Variants in ARHGAP31 observed in about 807,000 individuals in gnomAD.
ARHGAP31 encodes Rho GTPase activating protein 31.
A neutral mutation model predicts 113.9 loss-of-function variants in ARHGAP31; 34 were observed. The ratio of observed to expected loss-of-function variants is 0.30; its 90% CI spans 0.23 to 0.40. The LOEUF (loss-of-function observed/expected upper bound fraction) is 0.40, where lower values mean the gene tolerates loss of function less well. Among genes scored for constraint, ARHGAP31 ranks in the 10% least tolerant of loss-of-function variants. ARHGAP31 has a pLI of 1.00. For missense variants in ARHGAP31, 1,548 were observed against 1,767.1 expected, an observed-to-expected ratio of 0.88 and a Z score of 2.22; for synonymous variants, 650 against 684.8, an observed-to-expected ratio of 0.95 and a Z score of 0.79.
intron 1 of ARHGAP31, among the ~76,000 whole-genome samples, chr3:119,320,733 T>G (rs906762416): frequency 8.5e-5 from 13 of 152,204 alleles, no homozygotes; most frequent in Non-Finnish European, 1.8e-4. Flanking sequence ...CTCAGATGTT[T>G]TCTCTCCTCT....
Position 119,388,136 on chromosome 3 carries a change from G to A in ARHGAP31, c.683-2649G>A, listed in dbSNP as rs137896916. 9.1e-3 allele frequency among the ~76,000 whole-genome samples: 1,389 copies of A among 152,184 alleles called. 23 individuals are homozygous for A. The highest frequency in any genetic ancestry group is 0.031 in the African/African-American group (1,275 of 41,482). On this transcript the variant is annotated intron_variant, in intron 6 of 11. Coordinates refer to ENST00000264245, the MANE Select transcript of ARHGAP31 (RefSeq NM_020754.4). ...AAAGTGGGGTGCCCCACTCTGGTGG[G>A]TACCAAAGACCAAAGTAATGAGTTA...
chr3:119,379,775 T>A (rs567298836), intron 3 of ARHGAP31, among the ~76,000 whole-genome samples: 45 of 152,298 alleles, frequency 3.0e-4, no homozygotes, highest in African/African-American at 1.0e-3. Flanking sequence ...AAAAAACTCA[T>A]GGAGCTATAG....
chr3:119,297,624 AGGACAAAGCGG>A (rs932784021), intron 1 of ARHGAP31, among the ~76,000 whole-genome samples: 4 of 152,244 alleles, frequency 2.6e-5, no homozygotes, highest in African/African-American at 9.6e-5. Flanking sequence ...GTTGGAGTGG[AGGACAAAGCGG>A]GGTGATGATG....
rs1385144570 is a variant in ARHGAP31, at chr3:119,309,621, A to G, written c.100+14617A>G. On this transcript the variant is annotated intron_variant, in intron 1 of 11. Coordinates refer to ENST00000264245, the MANE Select transcript of ARHGAP31 (RefSeq NM_020754.4). ...AAAAAAATACAAATATTAGCCAGGC[A>G]TGGTGGCGTGGGGCTGTGGTCCCAG... Among the ~76,000 whole-genome samples, 3 of 152,018 alleles carry G rather than the reference A, an allele frequency of 2.0e-5. No individual in the cohort carries two copies. The East Asian group carries it at 5.8e-4, about 29-fold the overall frequency.
At chr3:119,368,983 G>C (rs377687945) in intron 3 of ARHGAP31, among the ~76,000 whole-genome samples, 1 of 152,140 alleles carries the variant, frequency 6.6e-6, no homozygotes, top group South Asian at 2.1e-4. Context: ...CAAATGTCAA[G>C]AGGTGTCAGA....
At position 119,399,212 on chromosome 3, in the gene ARHGAP31, T is replaced by A; in HGVS notation, c.1020T>A (p.Thr340=). 6.2e-7 allele frequency: 1 copy of A among 1,613,686 alleles called. No homozygotes were observed. The highest frequency in any genetic ancestry group is 1.3e-5 in the African/African-American group (1 of 75,060). Residue 340 remains threonine (T), a synonymous_variant, in exon 9 of 12, where the codon ACT becomes ACA. Coordinates refer to ENST00000264245, the MANE Select transcript of ARHGAP31 (RefSeq NM_020754.4). Reference sequence around the variant, plus strand: ...TTTTGTCTTTAGTGGAAAAGGCTACTATCCGACCAGCTAAAAGCATGGACT... The same window carrying A: ...TTTTGTCTTTAGTGGAAAAGGCTACAATCCGACCAGCTAAAAGCATGGACT... ...RGQRLSVEKA[T]IRPAKSMDSL...
chr3:119,386,248 C>T (rs980793247), intron 6 of ARHGAP31, among the ~76,000 whole-genome samples: 7 of 151,712 alleles, frequency 4.6e-5, no homozygotes, highest in African/African-American at 7.3e-5. Context: ...TTTTCTTAGT[C>T]CATTTGGGCT....
intron 1 of ARHGAP31, among the ~76,000 whole-genome samples, chr3:119,330,141 A>C (rs938502854): frequency 6.6e-6 from 1 of 152,204 alleles, no homozygotes; most frequent in African/African-American, 2.4e-5. Context: ...ACAGCAAATG[A>C]AGCTCAAAGG....
chr3:119,372,388 A>G (rs2080306051), intron 3 of ARHGAP31, among the ~76,000 whole-genome samples: 1 of 148,204 alleles, frequency 6.7e-6, no homozygotes, highest in African/African-American at 2.5e-5. Flanking sequence ...GGTTCAAGCT[A>G]TTCTCCTGCC....
Position 119,410,114 on chromosome 3 carries a change from C to A in ARHGAP31, c.1926+338C>A, listed in dbSNP as rs75285679. Among the ~76,000 whole-genome samples the A allele has an allele frequency of 8.8e-3, 1,347 of 152,314 alleles. 9 individuals are homozygous for A. Among genetic ancestry groups the A allele is most frequent in the Middle Eastern group, 0.02 (6 of 294 alleles). On this transcript the variant is annotated intron_variant, in intron 11 of 11. Coordinates refer to ENST00000264245, the MANE Select transcript of ARHGAP31 (RefSeq NM_020754.4). ...AGCAGCACAAGACCTGCTTGTCATA[C>A]CCCAGTCCCAAATATCATGATCAGT...
chr3:119,303,314 C>T (rs1213059010), intron 1 of ARHGAP31, among the ~76,000 whole-genome samples: 1 of 152,162 alleles, frequency 6.6e-6, no homozygotes, highest in Non-Finnish European at 1.5e-5. Context: ...GCTTAATGGT[C>T]CCCACAGGGG....
rs1363502501 is a variant in ARHGAP31, at chr3:119,415,253, C to T, written c.3324C>T (p.Asn1108=). 1.2e-6 allele frequency: 2 copies of T among 1,614,226 alleles called. No homozygotes were observed. Among genetic ancestry groups the T allele is most frequent in the African/African-American group, 2.7e-5 (2 of 75,058 alleles). The part of the protein sequence containing the change: ...PKGKNRPSSL[N]LDPAIPIADL... Reference sequence around the variant, plus strand: ...GGAAAAACAGGCCTTCTTCCCTCAACTTGGACCCTGCCATTCCCATTGCTG... The same window carrying T: ...GGAAAAACAGGCCTTCTTCCCTCAATTTGGACCCTGCCATTCCCATTGCTG... Residue 1108 remains asparagine (N), a synonymous_variant, in exon 12 of 12, where the codon AAC becomes AAT. Transcript: ENST00000264245.
intron 1 of ARHGAP31, among the ~76,000 whole-genome samples, chr3:119,337,192 C>G (rs546157211): frequency 2.0e-5 from 3 of 152,136 alleles, no homozygotes; most frequent in African/African-American, 4.8e-5. Context: ...TTCTTAGAGA[C>G]GGTTTATCTG....
chr3:119,415,804 C>T lies in ARHGAP31; in HGVS notation c.3875C>T (p.Pro1292Leu). 1 of 1,614,264 alleles carries T rather than the reference C, an allele frequency of 6.2e-7. No individual in the cohort carries two copies. The highest frequency in any genetic ancestry group is 8.5e-7 in the Non-Finnish European group (1 of 1,180,052). ...MCEGPTLSPE[P>L]GSSNLLSTQD... Reference sequence around the variant, plus strand: ...GAGGGACCTACCCTTTCTCCAGAACCAGGCTCGTCTAACCTGCTCTCCACC... The same window carrying T: ...GAGGGACCTACCCTTTCTCCAGAACTAGGCTCGTCTAACCTGCTCTCCACC... Residue 1292 changes from proline to leucine, a missense_variant, in exon 12 of 12, where the codon CCA (proline) becomes CTA (leucine). Transcript: ENST00000264245.
chr3:119,336,958 A>G (rs2079956257), intron 1 of ARHGAP31, among the ~76,000 whole-genome samples: 1 of 152,214 alleles, frequency 6.6e-6, no homozygotes, highest in Admixed American at 6.5e-5. Flanking sequence ...TTTTCAAGGG[A>G]TATCCACATT....
chr3:119,392,596 A>G (rs1373552092), intron 7 of ARHGAP31, among the ~76,000 whole-genome samples: 1 of 152,250 alleles, frequency 6.6e-6, no homozygotes, highest in Admixed American at 6.5e-5. Context: ...GCAGAGCCAC[A>G]GCAGGGCAAG....
At chr3:119,324,275 G>C (rs1253365255) in intron 1 of ARHGAP31, among the ~76,000 whole-genome samples, 2 of 152,152 alleles carry the variant, frequency 1.3e-5, no homozygotes, top group East Asian at 1.9e-4. Context: ...CACAACCGCA[G>C]ACCCATAGGA....
At chr3:119,373,468 T>G (rs574167352) in intron 3 of ARHGAP31, among the ~76,000 whole-genome samples, 25 of 150,892 alleles carry the variant, frequency 1.7e-4, no homozygotes, top group East Asian at 5.9e-4. Flanking sequence ...TTTTTGGTTG[T>G]TTGTTTGTTT....
intron 8 of ARHGAP31, among the ~76,000 whole-genome samples, chr3:119,396,433 AG>A (rs1362950939): frequency 2.6e-5 from 4 of 152,378 alleles, no homozygotes; most frequent in African/African-American, 7.2e-5. Context: ...AAGAACTGTC[AG>A]TGTCAATATA....
Sources: allele counts gnomAD v4.1 joint callset (sites outside exome capture counted in the v4.1 genomes callset), GRCh38; gene constraint gnomAD v4.1.1; transcripts MANE v1.5; gene names NCBI Gene and HGNC (gene_info 2026-07-23, HGNC 2026-07-21).